The following PRKN variants were observed in gnomAD, a reference collection of about 807,000 sequenced individuals.
PRKN encodes E3 ubiquitin-protein ligase parkin.
A neutral mutation model predicts 59.5 loss-of-function variants in PRKN; 56 were observed. The ratio of observed to expected loss-of-function variants is 0.94; its 90% CI spans 0.76 to 1.18. The LOEUF (loss-of-function observed/expected upper bound fraction) is 1.18, where lower values mean the gene tolerates loss of function less well. Ranked by LOEUF, PRKN falls within the 50% of genes most tolerant of loss-of-function variation. The probability of loss-of-function intolerance (pLI) is 0.00; values close to 1 mark genes in which losing one functional copy is unlikely to be tolerated. For missense variants in PRKN, 657 were observed against 596.4 expected (o/e 1.10, Z -1.06); for synonymous variants, 250 against 222.1 (o/e 1.13, Z -1.12).
At chr6:162,460,880 TAG>T (rs1395445179) in intron 1 of PRKN, among the ~76,000 whole-genome samples, 1 of 152,160 alleles carries the variant, frequency 6.6e-6, no homozygotes, top group Admixed American at 6.5e-5. Flanking sequence ...ATGAAAAAGG[TAG>T]ACTTATATTT....
intron 3 of PRKN, among the ~76,000 whole-genome samples, chr6:162,205,387 T>C (rs1166236244): frequency 6.6e-6 from 1 of 152,164 alleles, no homozygotes; most frequent in Non-Finnish European, 1.5e-5. Flanking sequence ...GTATTTTAGA[T>C]AATAGGCTTA....
chr6:162,340,957 A>C (rs1784150797), intron 2 of PRKN, among the ~76,000 whole-genome samples: 1 of 152,210 alleles, frequency 6.6e-6, no homozygotes, highest in African/African-American at 2.4e-5. Flanking sequence ...TCAGCAAAAG[A>C]AACTATCCTC....
intron 3 of PRKN, among the ~76,000 whole-genome samples, chr6:162,204,788 C>T (rs1446523418): frequency 2.6e-5 from 4 of 151,534 alleles, no homozygotes; most frequent in Admixed American, 2.6e-4. Context: ...GCGTGAGTCA[C>T]CGTGGCCATT....
At chr6:161,680,773 A>ATTTT (rs1486863145) in intron 7 of PRKN, among the ~76,000 whole-genome samples, 42 of 19,674 alleles carry the variant, frequency 2.1e-3, no homozygotes, top group Non-Finnish European at 3.9e-3. Flanking sequence ...ATATATATAT[A>ATTTT]TATTTTTTTT....
chr6:161,807,081 T>A (rs1375101613), intron 6 of PRKN, among the ~76,000 whole-genome samples: 3 of 152,202 alleles, frequency 2.0e-5, no homozygotes, highest in African/African-American at 7.2e-5. Context: ...TAAAAATGAT[T>A]TCATGTTTTT....
chr6:162,036,736 G>A (rs58812843), intron 5 of PRKN, among the ~76,000 whole-genome samples: 27,020 of 151,904 alleles, frequency 0.18, 3,368 homozygotes, highest in African/African-American at 0.35. Flanking sequence ...TTACTTACTG[G>A]TAAACATATT....
chr6:162,118,246 C>T (rs1780758285), intron 4 of PRKN, among the ~76,000 whole-genome samples: 1 of 151,186 alleles, frequency 6.6e-6, no homozygotes, highest in African/African-American at 2.4e-5. Context: ...CCTGTCTCCA[C>T]TAAAAAAAAT....
intron 7 of PRKN, among the ~76,000 whole-genome samples, chr6:161,631,386 AG>A (rs1562570297): frequency 6.6e-6 from 1 of 152,252 alleles, no homozygotes; most frequent in East Asian, 1.9e-4. Flanking sequence ...ACTCACAAGT[AG>A]CTCAGTCAGA....
intron 9 of PRKN, among the ~76,000 whole-genome samples, chr6:161,418,944 G>T (rs2115022999): frequency 6.6e-6 from 1 of 152,276 alleles, no homozygotes; most frequent in South Asian, 2.1e-4. Context: ...GCCTAAATCA[G>T]AAAACAATGT....
At chr6:162,324,678 A>G (rs1019135911) in intron 2 of PRKN, among the ~76,000 whole-genome samples, 1 of 152,112 alleles carries the variant, frequency 6.6e-6, no homozygotes, top group African/African-American at 2.4e-5. Context: ...TATATATAAA[A>G]TAGTAAAAAT....
At chr6:161,627,898 A>T (rs1783149961) in intron 7 of PRKN, among the ~76,000 whole-genome samples, 1 of 152,222 alleles carries the variant, frequency 6.6e-6, no homozygotes, top group South Asian at 2.1e-4. Flanking sequence ...TGGGTTTATG[A>T]TGCCCTAAAA....
chr6:162,219,358 G>A lies in PRKN; in HGVS notation c.413-18106C>T, dbSNP rs538219371. 1.3e-3 allele frequency among the ~76,000 whole-genome samples: 192 copies of A among 152,212 alleles called. 1 individual carries two copies. The highest frequency in any genetic ancestry group is 4.2e-3 in the African/African-American group (176 of 41,536). The stretch of plus-strand genomic sequence containing the variant: ...CTGTCTAGAAAAATTAATAAAAACT[G>A]ACAAGCCACCTGCACTGTAGCTCTT... On this transcript the variant is annotated intron_variant, in intron 3 of 11. Coordinates refer to ENST00000366898, the MANE Select transcript of PRKN (RefSeq NM_004562.3).
At chr6:162,196,310 G>C (rs1784496617) in intron 4 of PRKN, among the ~76,000 whole-genome samples, 1 of 152,166 alleles carries the variant, frequency 6.6e-6, no homozygotes, top group Non-Finnish European at 1.5e-5. Flanking sequence ...CTCTGATAAA[G>C]TTTGTTGATA....
chr6:161,450,535 A>G lies in PRKN; in HGVS notation c.1084-63658T>C, dbSNP rs114240787. ...AGCATATCTATAAACCACTCATACCATGATTTACTTAATGTTTTCTTTTTC... is the reference window on the plus strand; with the variant it reads ...AGCATATCTATAAACCACTCATACCGTGATTTACTTAATGTTTTCTTTTTC... On this transcript the variant is annotated intron_variant, in intron 9 of 11. Transcript: ENST00000366898. Among the ~76,000 whole-genome samples the G allele has an allele frequency of 7.3e-3, 1,108 of 152,026 alleles. 14 individuals are homozygous for G. The highest frequency in any genetic ancestry group is 0.026 in the African/African-American group (1,063 of 41,468).
chr6:161,545,147 T>G lies in PRKN; in HGVS notation c.1083+3707A>C, dbSNP rs943888127. ...CAACTTTTTTATACGCGATTTTTTT[T>G]GTAACAGCTAACATTTCTTGCATAC... On this transcript the variant is annotated intron_variant, in intron 9 of 11. Transcript: ENST00000366898. The surrounding 1 kb of genome is among the most constrained non-coding windows in gnomAD (Gnocchi z 4.1). 4.6e-6 allele frequency: 6 copies of G among 1,294,584 alleles called. No individual in the cohort carries two copies. Among genetic ancestry groups the G allele is most frequent in the South Asian group, 2.4e-5 (1 of 40,936 alleles). 80.2% of individuals were successfully genotyped at this position (1,294,584 alleles called of 1,614,324 possible). A position where few individuals can be genotyped will look rare whatever the true frequency, so the allele number is the denominator to read the frequency against.
intron 7 of PRKN, among the ~76,000 whole-genome samples, chr6:161,704,807 T>G (rs1056443370): frequency 6.6e-6 from 1 of 152,184 alleles, no homozygotes; most frequent in Non-Finnish European, 1.5e-5. Context: ...TGCAATGATC[T>G]ATGCTTCCTC....
chr6:162,307,620 A>G (rs1342616901), intron 2 of PRKN, among the ~76,000 whole-genome samples: 2 of 152,006 alleles, frequency 1.3e-5, no homozygotes, highest in Non-Finnish European at 2.9e-5. Context: ...GGAAAAAAAC[A>G]GTTTGATGAC....
rs1780662385 is a variant in PRKN at position 161,566,894 on chromosome 6, T to C, written c.933+2461A>G. 6.6e-6 allele frequency among the ~76,000 whole-genome samples: 1 copy of C among 152,144 alleles called. No homozygotes were observed. The highest frequency in any genetic ancestry group is 1.9e-4 in the East Asian group (1 of 5,200). ...TCATCCACTCTGTGGAAATCTCCTT[T>C]CCCAGATGTCACCATGAGGCTTCTC... On this transcript the variant is annotated intron_variant, in intron 8 of 11. Coordinates refer to ENST00000366898, the MANE Select transcript of PRKN (RefSeq NM_004562.3). This position sits in a 1 kb window ranked among gnomAD's most constrained non-coding sequence, Gnocchi z 4.1.
intron 3 of PRKN, among the ~76,000 whole-genome samples, chr6:162,257,029 C>T (rs866705698): frequency 1.3e-5 from 2 of 152,190 alleles, no homozygotes; most frequent in African/African-American, 4.8e-5. Flanking sequence ...CAAACAGGCA[C>T]GAACAAAAGC....
Sources: gnomAD v4.1 joint callset for allele counts (sites outside exome capture counted in the v4.1 genomes callset) on GRCh38, gnomAD v4.1.1 for gene constraint, Gnocchi (gnomAD v3.1) non-coding constraint, MANE v1.5 for transcripts, NCBI Gene and HGNC (gene_info 2026-07-23, HGNC 2026-07-21) for gene names.